GALNTL6: variants seen among roughly 807,000 people sequenced by gnomAD.
GALNTL6 encodes the protein polypeptide N-acetylgalactosaminyltransferase-like 6.
In GALNTL6, 46 loss-of-function variants were observed where a neutral mutation model predicts 73.7. The observed-to-expected ratio is 0.62, with a 90% CI of 0.49 to 0.80. The LOEUF is 0.80. Among genes scored for constraint, GALNTL6 ranks in the 30% least tolerant of loss-of-function variants. The probability of loss-of-function intolerance (pLI) is 0.00; values close to 1 mark genes in which losing one functional copy is unlikely to be tolerated. For missense variants in GALNTL6, 604 were observed against 755.0 expected, an observed-to-expected ratio of 0.80 and a Z score of 2.34; for synonymous variants, 259 against 263.7, an observed-to-expected ratio of 0.98 and a Z score of 0.17.
At chr4:172,058,880 A>G (rs1184258659) in intron 2 of GALNTL6, among the ~76,000 whole-genome samples, 1 of 152,140 alleles carries the variant, frequency 6.6e-6, no homozygotes, top group African/African-American at 2.4e-5. Flanking sequence ...TGACTTGAGC[A>G]TTTGTTTCTG....
intron 8 of GALNTL6, among the ~76,000 whole-genome samples, chr4:172,898,563 T>G (rs1004167698): frequency 6.6e-6 from 1 of 152,160 alleles, no homozygotes; most frequent in Non-Finnish European, 1.5e-5. Flanking sequence ...TACAGAAATC[T>G]CTTAAGTAAA....
At chr4:172,806,124 C>T (rs1740943517) in intron 5 of GALNTL6, among the ~76,000 whole-genome samples, 1 of 152,058 alleles carries the variant, frequency 6.6e-6, no homozygotes, top group Non-Finnish European at 1.5e-5. Context: ...ATGATACCTG[C>T]CTTCATCATG....
intron 5 of GALNTL6, among the ~76,000 whole-genome samples, chr4:172,492,195 C>T (rs1579125078): frequency 6.6e-6 from 1 of 151,838 alleles, no homozygotes; most frequent in Non-Finnish European, 1.5e-5. Context: ...TATGTAGATC[C>T]CCAAAATATA....
At chr4:172,395,272 TA>T (rs142146065) in intron 5 of GALNTL6, among the ~76,000 whole-genome samples, 17,349 of 152,090 alleles carry the variant, frequency 0.11, 992 homozygotes, top group East Asian at 0.17. Flanking sequence ...CCTTGTAGCT[TA>T]AAAAAAATCA....
intron 2 of GALNTL6, among the ~76,000 whole-genome samples, chr4:171,879,774 A>C (rs1485753635): frequency 1.3e-5 from 2 of 152,176 alleles, no homozygotes; most frequent in Non-Finnish European, 2.9e-5. Context: ...TACCTGTTTC[A>C]GCTCATGACA....
At chr4:171,992,569 A>G (rs1026593640) in intron 2 of GALNTL6, among the ~76,000 whole-genome samples, 2 of 152,080 alleles carry the variant, frequency 1.3e-5, no homozygotes, top group African/African-American at 4.8e-5. Context: ...TGGGAAAATG[A>G]GAAATAGAAT....
chr4:172,637,027 CATT>C (rs1369074401), intron 5 of GALNTL6, among the ~76,000 whole-genome samples: 1 of 152,040 alleles, frequency 6.6e-6, no homozygotes, highest in Non-Finnish European at 1.5e-5. Flanking sequence ...TCCAAACAAT[CATT>C]AGTTTCTAAC....
intron 2 of GALNTL6, among the ~76,000 whole-genome samples, chr4:172,091,066 A>G (rs1732189714): frequency 6.6e-6 from 1 of 152,126 alleles, no homozygotes. Context: ...CTATTTTGGT[A>G]CTAGTACCAT....
At chr4:172,576,771 G>A (rs1174387527) in intron 5 of GALNTL6, among the ~76,000 whole-genome samples, 16 of 152,094 alleles carry the variant, frequency 1.1e-4, no homozygotes, top group Non-Finnish European at 2.2e-4. Context: ...GCCTAATAAG[G>A]AAACTATTGT....
intron 8 of GALNTL6, among the ~76,000 whole-genome samples, chr4:172,930,648 A>G (rs1164528768): frequency 6.6e-6 from 1 of 152,160 alleles, no homozygotes; most frequent in Non-Finnish European, 1.5e-5. Context: ...CATGTTGTCT[A>G]TGGAAACAGG....
At chr4:172,944,587 T>C (rs1749068071) in intron 9 of GALNTL6, among the ~76,000 whole-genome samples, 1 of 152,206 alleles carries the variant, frequency 6.6e-6, no homozygotes, top group Non-Finnish European at 1.5e-5. Context: ...GAGTACAACC[T>C]AGCCATTCCA....
At chr4:171,905,418 G>A (rs1737244408) in intron 2 of GALNTL6, among the ~76,000 whole-genome samples, 1 of 151,950 alleles carries the variant, frequency 6.6e-6, no homozygotes, top group African/African-American at 2.4e-5. Flanking sequence ...AATGGTAAAG[G>A]GATCAATTCA....
intron 7 of GALNTL6, among the ~76,000 whole-genome samples, chr4:172,816,661 T>C (rs745862069): frequency 5.9e-5 from 9 of 152,194 alleles, no homozygotes; most frequent in South Asian, 4.1e-4. Flanking sequence ...GGAAAACTCA[T>C]GGATAACTTT....
intron 2 of GALNTL6, among the ~76,000 whole-genome samples, chr4:171,931,463 T>C (rs767006065): frequency 4.6e-5 from 7 of 152,230 alleles, no homozygotes; most frequent in East Asian, 1.9e-4. Flanking sequence ...TGTGGATTAA[T>C]TGAAAATTTG....
At chr4:172,407,411 C>T (rs1744275897) in intron 5 of GALNTL6, among the ~76,000 whole-genome samples, 1 of 152,066 alleles carries the variant, frequency 6.6e-6, no homozygotes, top group African/African-American at 2.4e-5. Flanking sequence ...ATTATTCAGG[C>T]ATGTGGCAGA....
intron 2 of GALNTL6, among the ~76,000 whole-genome samples, chr4:172,078,441 A>G (rs1026937178): frequency 2.0e-5 from 3 of 152,110 alleles, no homozygotes; most frequent in African/African-American, 7.2e-5. Context: ...TTTTTTCATA[A>G]ATTACACAGT....
chr4:172,056,733 T>C (rs1240174546), intron 2 of GALNTL6, among the ~76,000 whole-genome samples: 1 of 151,932 alleles, frequency 6.6e-6, no homozygotes, highest in Non-Finnish European at 1.5e-5. Context: ...ACATATTTGT[T>C]TGTCATTTGT....
chr4:172,493,622 A>T (rs938675814), intron 5 of GALNTL6, among the ~76,000 whole-genome samples: 15 of 152,030 alleles, frequency 9.9e-5, no homozygotes, highest in African/African-American at 3.4e-4. Flanking sequence ...ACTGACCTTT[A>T]AAAAAAACTT....
At position 171,905,895 on chromosome 4, in the gene GALNTL6, T is replaced by C. The variant is rs1322138593; in HGVS notation, c.138+91177T>C. On this transcript the variant is annotated intron_variant, in intron 2 of 12. Transcript: ENST00000506823. Reference sequence around the variant, plus strand: ...GAACAACCTGCTCCTGAATGACTACTGGGTACATAATGAAATGAAGGCAGA... The same window carrying C: ...GAACAACCTGCTCCTGAATGACTACCGGGTACATAATGAAATGAAGGCAGA... 6.0e-5 allele frequency among the ~76,000 whole-genome samples: 9 copies of C among 150,560 alleles called. No individual in the cohort carries two copies. In the East Asian group the frequency reaches 1.8e-3, roughly 29 times the overall value.
Sources: gnomAD v4.1 joint callset for allele counts (sites outside exome capture counted in the v4.1 genomes callset) on GRCh38, gnomAD v4.1.1 for gene constraint, MANE v1.5 for transcripts, NCBI Gene and HGNC (gene_info 2026-07-23, HGNC 2026-07-21) for gene names.